The following PVT1 variants were observed in gnomAD, a reference collection of about 807,000 sequenced individuals.
PVT1 encodes Pvt1 oncogene.
At chr8:127,796,593 T>C (rs10956390) in intron 2 of PVT1, among the ~76,000 whole-genome samples, 91,097 of 151,992 alleles carry the variant, frequency 0.6, 27,553 homozygotes, top group South Asian at 0.69. Context: ...CTGGCAGCTT[T>C]GTCAAGAGAT....
intron 2 of PVT1, among the ~76,000 whole-genome samples, chr8:127,819,863 C>T (rs1026381135): frequency 1.3e-5 from 2 of 152,182 alleles, no homozygotes; most frequent in African/African-American, 4.8e-5. Context: ...CTAAGAAATG[C>T]AGAGGTGGAA....
chr8:127,825,255 A>C (rs1586395342), intron 2 of PVT1, among the ~76,000 whole-genome samples: 1 of 152,182 alleles, frequency 6.6e-6, no homozygotes, highest in African/African-American at 2.4e-5. Context: ...TTCTGCAAGA[A>C]TTATCAAGTC....
intron 3 of PVT1, among the ~76,000 whole-genome samples, chr8:127,921,382 A>G (rs978306343): frequency 2.9e-4 from 44 of 152,224 alleles, no homozygotes. Flanking sequence ...GTGTTTTGCA[A>G]AATGATTCCT....
In PVT1 at chr8:127,928,674, A is replaced by G. The variant is rs118184290; in HGVS notation, n.782+37676A>G. ...AGGGGGTGGCAACTGGTTGTTTCCA[A>G]TCTCCCATCTCTCTCTGGCCCTCCT... On this transcript the variant is annotated intron_variant and non_coding_transcript_variant, in intron 3 of 10. Coordinates refer to ENST00000651587, the Ensembl canonical transcript of PVT1. Among the ~76,000 whole-genome samples, 1,245 of 152,264 alleles carry G rather than the reference A, an allele frequency of 8.2e-3. 11 individuals carry two copies. The highest frequency in any genetic ancestry group is 0.01 in the Non-Finnish European group (710 of 67,996).
intron 5 of PVT1, among the ~76,000 whole-genome samples, chr8:128,085,633 A>G (rs566625142): frequency 1.3e-5 from 2 of 152,322 alleles, no homozygotes; most frequent in South Asian, 2.1e-4. Context: ...ATATTTTCTC[A>G]AACTTAAGAT....
At chr8:128,004,171 A>G (rs992890601) in intron 4 of PVT1, among the ~76,000 whole-genome samples, 3 of 152,224 alleles carry the variant, frequency 2.0e-5, no homozygotes, top group Non-Finnish European at 4.4e-5. Flanking sequence ...TGAATGCAGA[A>G]TGGATGCTGG....
intron 2 of PVT1, among the ~76,000 whole-genome samples, chr8:127,884,713 A>G (rs1189095892): frequency 2.0e-5 from 3 of 152,236 alleles, no homozygotes; most frequent in African/African-American, 7.2e-5. Flanking sequence ...AGTAATCAGG[A>G]GAGAAAAGAA....
chr8:128,016,113 A>G (rs1817371100), intron 4 of PVT1, among the ~76,000 whole-genome samples: 1 of 152,160 alleles, frequency 6.6e-6, no homozygotes, highest in Non-Finnish European at 1.5e-5. Context: ...CCCTGTCTCT[A>G]TAAAAAATAC....
intron 5 of PVT1, among the ~76,000 whole-genome samples, chr8:128,088,391 CTT>C (rs1315665960): frequency 1.3e-5 from 2 of 152,134 alleles, no homozygotes; most frequent in Non-Finnish European, 2.9e-5. Flanking sequence ...TTTACCTTCA[CTT>C]TCAGCAGCAG....
rs537735320 is a variant in PVT1 at position 127,880,456 on chromosome 8, A to AT, written n.373-10120dup. Reference sequence around the variant, plus strand: ...AGGCGCTCGCCACCACGCCCGGCTAATTTTTTTTTTTTTGTATTTTTAGTA... The same window carrying AT: ...AGGCGCTCGCCACCACGCCCGGCTAATTTTTTTTTTTTTTGTATTTTTAGTA... On this transcript the variant is annotated intron_variant and non_coding_transcript_variant, in intron 2 of 10. Coordinates refer to ENST00000651587, the Ensembl canonical transcript of PVT1. 3.6e-3 allele frequency among the ~76,000 whole-genome samples: 501 copies of AT among 140,178 alleles called. 3 individuals are homozygous for AT. The highest frequency in any genetic ancestry group is 4.8e-3 in the African/African-American group (179 of 36,952). The allele number at this position is 140,178 out of a possible 152,430, so 92.0% of individuals were successfully genotyped here. A position where few individuals can be genotyped will look rare whatever the true frequency, so the allele number is the denominator to read the frequency against.
intron 4 of PVT1, among the ~76,000 whole-genome samples, chr8:128,006,194 A>G (rs756737826): frequency 2.6e-5 from 4 of 151,298 alleles, no homozygotes; most frequent in Non-Finnish European, 4.4e-5. Flanking sequence ...AGTTTAGAGT[A>G]TATGCACCCT....
intron 4 of PVT1, among the ~76,000 whole-genome samples, chr8:128,022,483 C>T (rs1324401841): frequency 6.6e-6 from 1 of 152,178 alleles, no homozygotes; most frequent in Non-Finnish European, 1.5e-5. Flanking sequence ...CCACCTGGGT[C>T]AGGAAGGCAT....
chr8:127,966,395 AC>A (rs1273938033), intron 3 of PVT1, among the ~76,000 whole-genome samples: 3 of 151,562 alleles, frequency 2.0e-5, no homozygotes, highest in African/African-American at 7.3e-5. Flanking sequence ...CTTAGAAAAA[AC>A]CCCACACTAG....
intron 2 of PVT1, among the ~76,000 whole-genome samples, chr8:127,808,012 C>T (rs1437314007): frequency 6.6e-6 from 1 of 151,880 alleles, no homozygotes. Flanking sequence ...TCATGAGCCA[C>T]CCGCCTCAGC....
intron 2 of PVT1, among the ~76,000 whole-genome samples, chr8:127,809,708 A>T (rs1468691540): frequency 1.3e-5 from 2 of 152,170 alleles, no homozygotes; most frequent in East Asian, 1.9e-4. Context: ...CTGTATGGAA[A>T]GTCCCCAGGA....
chr8:127,815,000 T>G lies in PVT1; in HGVS notation n.372+18929T>G, dbSNP rs561143662. The stretch of plus-strand genomic sequence containing the variant: ...ATTTTTTTTTGAGACAGAATCTTGT[T>G]CTGTTGCCCAGGCTGGAGTGCAGTG... On this transcript the variant is annotated intron_variant and non_coding_transcript_variant, in intron 2 of 10. Coordinates refer to ENST00000651587, the Ensembl canonical transcript of PVT1. 1.9e-4 allele frequency among the ~76,000 whole-genome samples: 29 copies of G among 152,294 alleles called. No individual in the cohort carries two copies. In the South Asian group the frequency reaches 2.9e-3, roughly 15 times the overall value.
chr8:127,907,461 T>C (rs1185518677), intron 3 of PVT1, among the ~76,000 whole-genome samples: 1 of 152,230 alleles, frequency 6.6e-6, no homozygotes, highest in Non-Finnish European at 1.5e-5. Context: ...TTACAGTGCC[T>C]GTTCTCCTGC....
At chr8:128,050,021 A>G (rs1168897903) in intron 4 of PVT1, among the ~76,000 whole-genome samples, 1 of 151,974 alleles carries the variant, frequency 6.6e-6, no homozygotes, top group African/African-American at 2.4e-5. Context: ...CGTGATTTGG[A>G]ACTATAGCCT....
chr8:127,977,711 G>A (rs924497226), intron 3 of PVT1, among the ~76,000 whole-genome samples: 2 of 147,422 alleles, frequency 1.4e-5, no homozygotes, highest in African/African-American at 4.9e-5. Flanking sequence ...CTCCAGCCTC[G>A]GCAACGAAGC....
Sources: allele counts gnomAD v4.1 joint callset (sites outside exome capture counted in the v4.1 genomes callset), GRCh38; gene constraint gnomAD v4.1.1; transcripts MANE v1.5; gene names NCBI Gene and HGNC (gene_info 2026-07-23, HGNC 2026-07-21).